SLCO2A1: variants seen among roughly 807,000 people sequenced by gnomAD.
SLCO2A1 encodes solute carrier organic anion transporter family member 2A1, also known as matrin F/G 1.
SLCO2A1 carries 60 observed loss-of-function variants against 71.7 expected under a neutral mutation model. The observed-to-expected ratio is 0.84, with a 90% CI of 0.68 to 1.04. The LOEUF is 1.04. Ranked by LOEUF, SLCO2A1 falls within the 50% of genes least tolerant of loss-of-function variation. The probability of loss-of-function intolerance (pLI) is 0.00; values close to 1 mark genes in which losing one functional copy is unlikely to be tolerated. For missense variants in SLCO2A1, 745 were observed against 813.4 expected (o/e 0.92, Z 1.02); for synonymous variants, 308 against 326.7 (o/e 0.94, Z 0.62).
rs1479470290 is a variant in SLCO2A1 at position 133,934,737 on chromosome 3, C to T, written c.1908G>A (p.Val636=). The T allele has an allele frequency of 6.2e-7, 1 of 1,613,640 alleles. No individual in the cohort carries two copies. The change falls in exon 14 of 14, where the codon GTG becomes GTA. Residue 636 remains valine, a synonymous_variant. Transcript: ENST00000310926. The part of the protein sequence containing the change: ...WRVKKNKEYN[V]QKAAGLI ...GTCAGATGAGGCCTGCCGCCTTCTG[C>T]ACGTTGTACTCCTTGTTCTTCTTCA... is the stretch of plus-strand genomic sequence containing the variant.
chr3:133,979,147 T>A (rs561902355), intron 2 of SLCO2A1, among the ~76,000 whole-genome samples: 1 of 152,342 alleles, frequency 6.6e-6, no homozygotes, highest in African/African-American at 2.4e-5. Flanking sequence ...CAGCCCTGCA[T>A]ACCTGGAGCA....
At chr3:134,018,178 G>A (rs927622716) in intron 1 of SLCO2A1, among the ~76,000 whole-genome samples, 2 of 145,080 alleles carry the variant, frequency 1.4e-5, no homozygotes, top group Non-Finnish European at 3.1e-5. Context: ...CTCTCAGGAG[G>A]CAGATGCTTA....
chr3:134,004,617 A>G (rs1017899467), intron 1 of SLCO2A1, among the ~76,000 whole-genome samples: 7 of 152,186 alleles, frequency 4.6e-5, no homozygotes, highest in Non-Finnish European at 1.0e-4. Flanking sequence ...TACAGGTGTG[A>G]GCCACCACGC....
rs555358321 is a variant in SLCO2A1 at position 133,955,201 on chromosome 3, G to T, written c.398-8C>A. The stretch of plus-strand genomic sequence containing the variant: ...GCAAGCGGCTGTTGTTCCCTGCAAC[G>T]AGAGTGCTTGCTGGTCTCCACCACC... On this transcript the variant is annotated splice_region_variant and splice_polypyrimidine_tract_variant and intron_variant, in intron 3 of 13. Transcript: ENST00000310926. The T allele has an allele frequency of 6.2e-7, 1 of 1,608,144 alleles. No individual in the cohort carries two copies.
intron 1 of SLCO2A1, among the ~76,000 whole-genome samples, chr3:133,991,066 C>T (rs1934830985): frequency 6.6e-6 from 1 of 151,954 alleles, no homozygotes; most frequent in African/African-American, 2.4e-5. Flanking sequence ...GCCAAGATCG[C>T]ACCACAGCAC....
intron 1 of SLCO2A1, among the ~76,000 whole-genome samples, chr3:134,002,824 T>G (rs747354814): frequency 3.9e-5 from 6 of 152,232 alleles, no homozygotes; most frequent in African/African-American, 7.2e-5. Context: ...AATCTTTCCT[T>G]GTTGATAACT....
At chr3:133,974,650 T>C (rs926381610) in intron 2 of SLCO2A1, among the ~76,000 whole-genome samples, 2 of 152,178 alleles carry the variant, frequency 1.3e-5, no homozygotes, top group African/African-American at 4.8e-5. Flanking sequence ...GAAGATGTGC[T>C]CTCTGAGCCC....
chr3:133,988,828 C>T (rs559034272), intron 1 of SLCO2A1, among the ~76,000 whole-genome samples: 5 of 152,320 alleles, frequency 3.3e-5, no homozygotes, highest in Admixed American at 1.3e-4. Flanking sequence ...GGTGGGAACA[C>T]GTGAGACAGG....
Position 134,002,450 on chromosome 3 carries a change from A to G in SLCO2A1, c.97-22832T>C, listed in dbSNP as rs116530162. On this transcript the variant is annotated intron_variant, in intron 1 of 13. Coordinates refer to ENST00000310926, the MANE Select transcript of SLCO2A1 (RefSeq NM_005630.3). ...TGACAGCTCCTACATTTAGAAGCTC[A>G]TGTTCCCTGGCAACCATTTGAGTTG... Among the ~76,000 whole-genome samples, 982 of 152,320 alleles carry G rather than the reference A, an allele frequency of 6.4e-3. 11 individuals carry two copies. The highest frequency in any genetic ancestry group is 0.023 in the African/African-American group (949 of 41,562).
At chr3:133,942,829 TCAGACGTCTGCAC>T in intron 10 of SLCO2A1, 61 bp from the exon 11 acceptor site, 1 of 1,505,912 alleles carries the variant, frequency 6.6e-7, no homozygotes, top group Non-Finnish European at 9.0e-7. Context: ...TTCACACACT[TCAGACGTCTGCAC>T]CAGCTCTTGT....
At chr3:133,935,630 T>C in intron 13 of SLCO2A1, 144 bp downstream of exon 13, 1 of 914,320 alleles carries the variant, frequency 1.1e-6, no homozygotes, top group Non-Finnish European at 1.5e-6. Flanking sequence ...CTGCTCCCTG[T>C]CCATGGCAGG....
chr3:133,984,016 AAGG>A (rs1934653929), intron 1 of SLCO2A1, among the ~76,000 whole-genome samples: 1 of 152,170 alleles, frequency 6.6e-6, no homozygotes, highest in Non-Finnish European at 1.5e-5. Context: ...AGGAGAGCAT[AAGG>A]AGATCAAGGA....
At chr3:133,938,035 G>A (rs930134139) in intron 12 of SLCO2A1, among the ~76,000 whole-genome samples, 1 of 152,242 alleles carries the variant, frequency 6.6e-6, no homozygotes. Flanking sequence ...TTTAGGAGGA[G>A]TGAATTTTGT....
At chr3:134,020,731 T>G (rs148245037) in intron 1 of SLCO2A1, among the ~76,000 whole-genome samples, 11 of 150,746 alleles carry the variant, frequency 7.3e-5, no homozygotes, top group African/African-American at 2.7e-4. Context: ...AGGACTGGTC[T>G]TGAGAACTTG....
intron 1 of SLCO2A1, among the ~76,000 whole-genome samples, chr3:134,016,614 G>T (rs1450583341): frequency 6.6e-6 from 1 of 152,166 alleles, no homozygotes; most frequent in Admixed American, 6.5e-5. Context: ...GATCACTCCA[G>T]AAAACAGTTC....
At chr3:134,006,385 C>T (rs541966400) in intron 1 of SLCO2A1, among the ~76,000 whole-genome samples, 44 of 152,222 alleles carry the variant, frequency 2.9e-4, no homozygotes, top group African/African-American at 8.4e-4. Context: ...AGTACATTCA[C>T]GTGTTGCGCG....
In SLCO2A1 at chr3:133,942,703, G is replaced by C. The variant is rs763830536; in HGVS notation, c.1527C>G (p.Val509=). ...SASAKTGSCP[V]PCAHFLLPAI... The stretch of plus-strand genomic sequence containing the variant: ...CCGGGAGCAGGAAGTGGGCACAGGG[G>C]ACAGGGCACGATCCTGTCTTTGCTG... Residue 509 remains valine, a synonymous_variant, in exon 11 of 14, where the codon GTC becomes GTG. Transcript: ENST00000310926. 6.2e-7 allele frequency: 1 copy of C among 1,613,934 alleles called. No homozygotes were observed. Among genetic ancestry groups the C allele is most frequent in the Non-Finnish European group, 8.5e-7 (1 of 1,179,982 alleles).
intron 1 of SLCO2A1, among the ~76,000 whole-genome samples, chr3:134,008,961 A>G (rs936832595): frequency 1.3e-5 from 2 of 152,210 alleles, no homozygotes; most frequent in Non-Finnish European, 2.9e-5. Context: ...CAGTCCTTCT[A>G]GACAACCCCA....
At chr3:134,025,719 A>G (rs1445286454) in intron 1 of SLCO2A1, among the ~76,000 whole-genome samples, 1 of 152,172 alleles carries the variant, frequency 6.6e-6, no homozygotes, top group African/African-American at 2.4e-5. Context: ...CCCTTCCTGT[A>G]CTAAGGGACA....
Sources: allele counts gnomAD v4.1 joint callset (sites outside exome capture counted in the v4.1 genomes callset), GRCh38; gene constraint gnomAD v4.1.1; transcripts MANE v1.5; gene names NCBI Gene and HGNC (gene_info 2026-07-23, HGNC 2026-07-21).